ABAT: variants seen among roughly 807,000 people sequenced by gnomAD.
ABAT encodes 4-aminobutyrate aminotransferase.
In ABAT, 45 loss-of-function variants were observed where a neutral mutation model predicts 64.6. The ratio of observed to expected loss-of-function variants is 0.70; its 90% CI spans 0.55 to 0.89. The LOEUF is 0.89. Ranked by LOEUF, ABAT falls within the 40% of genes least tolerant of loss-of-function variation. The probability of loss-of-function intolerance (pLI) is 0.00; values close to 1 mark genes in which losing one functional copy is unlikely to be tolerated. For synonymous variants in ABAT, 297 were observed against 250.5 expected (o/e 1.19, Z -1.75); for missense variants, 633 against 658.4 (o/e 0.96, Z 0.42).
chr16:8,685,242 C>T (rs753334844), intron 1 of ABAT, among the ~76,000 whole-genome samples: 1 of 151,956 alleles, frequency 6.6e-6, no homozygotes, highest in African/African-American at 2.4e-5. Context: ...GCCAGGATCA[C>T]GCCATTGCAC....
chr16:8,676,308 C>T (rs902689170), intron 1 of ABAT, among the ~76,000 whole-genome samples: 1 of 152,112 alleles, frequency 6.6e-6, no homozygotes, highest in Non-Finnish European at 1.5e-5. Context: ...GGGGAAGAGA[C>T]TTGCTCAAGG....
chr16:8,772,403 C>G (rs563327986), intron 11 of ABAT, among the ~76,000 whole-genome samples: 1 of 152,084 alleles, frequency 6.6e-6, no homozygotes, highest in Non-Finnish European at 1.5e-5. Flanking sequence ...AAAACAGAGG[C>G]AGAACCACAG....
At chr16:8,720,404 T>C (rs2058334001) in intron 1 of ABAT, among the ~76,000 whole-genome samples, 1 of 152,238 alleles carries the variant, frequency 6.6e-6, no homozygotes, top group African/African-American at 2.4e-5. Flanking sequence ...CATTTGCCTG[T>C]TTCCAAGAAC....
chr16:8,757,046 T>C, intron 5 of ABAT: 1 of 401,374 alleles, frequency 2.5e-6, no homozygotes, highest in Non-Finnish European at 4.8e-6. Flanking sequence ...TGTCGAGATT[T>C]GACTCAGCCC....
chr16:8,716,596 C>T (rs577259165), intron 1 of ABAT, among the ~76,000 whole-genome samples: 2 of 152,184 alleles, frequency 1.3e-5, no homozygotes, highest in African/African-American at 4.8e-5. Flanking sequence ...CACTGACTTG[C>T]AATTCGTAAC....
intron 1 of ABAT, among the ~76,000 whole-genome samples, chr16:8,732,086 C>T (rs2058737448): frequency 6.6e-6 from 1 of 151,980 alleles, no homozygotes; most frequent in South Asian, 2.1e-4. Flanking sequence ...CACCTGACCT[C>T]AAGTGATCCA....
At chr16:8,738,395 T>G in intron 2 of ABAT, 1 of 455,874 alleles carries the variant, frequency 2.2e-6, no homozygotes. Context: ...CTCCAGACTT[T>G]TATTTGGCTT....
At chr16:8,717,534 C>T (rs1425832623) in intron 1 of ABAT, among the ~76,000 whole-genome samples, 1 of 152,116 alleles carries the variant, frequency 6.6e-6, no homozygotes, top group African/African-American at 2.4e-5. Flanking sequence ...CAAACCAGAC[C>T]AGCAGGTGAC....
At position 8,779,487 on chromosome 16, in the gene ABAT, C is replaced by T. The variant is rs372283568; in HGVS notation, c.1278C>T (p.Tyr426=). ...LTGLLDLQAR[Y]PQFISRVRGR... Reference sequence around the variant, plus strand: ...GTCTCCTCCCACTACAGGCCCGGTACCCCCAGTTCATCAGCAGGGTGAGAG... The same window carrying T: ...GTCTCCTCCCACTACAGGCCCGGTATCCCCAGTTCATCAGCAGGGTGAGAG... The change falls in exon 15 of 16, where the codon TAC becomes TAT. Residue 426 remains tyrosine, a synonymous_variant. Coordinates refer to ENST00000268251, the MANE Select transcript of ABAT (RefSeq NM_020686.6). 7.4e-5 allele frequency: 120 copies of T among 1,614,008 alleles called. 2 individuals are homozygous for T. The South Asian group carries it at 1.1e-3, about 15-fold the overall frequency.
chr16:8,743,264 G>A (rs1389577069), intron 2 of ABAT, among the ~76,000 whole-genome samples: 3 of 150,336 alleles, frequency 2.0e-5, no homozygotes, highest in Non-Finnish European at 3.0e-5. Flanking sequence ...TTTTAAATAT[G>A]TTTCAAAATC....
chr16:8,730,690 G>C (rs1354886830), intron 1 of ABAT, among the ~76,000 whole-genome samples: 1 of 152,160 alleles, frequency 6.6e-6, no homozygotes, highest in African/African-American at 2.4e-5. Context: ...GGGCTGGGTA[G>C]AGTTAGGCAG....
Position 8,737,984 on chromosome 16 carries a change from G to GAAA in ABAT, c.70+2175_70+2176insAAA, listed in dbSNP as rs1567295623. ...AGGAAGGAAGGAAGGAAGGAAGGAAGGAAGGAGGAAAGAAAGAAAGAAAGA... is the reference window on the plus strand; with the variant it reads ...AGGAAGGAAGGAAGGAAGGAAGGAAGAAAGAAGGAGGAAAGAAAGAAAGAAAGA... On this transcript the variant is annotated intron_variant, in intron 2 of 15. Coordinates refer to ENST00000268251, the MANE Select transcript of ABAT (RefSeq NM_020686.6). Among the ~76,000 whole-genome samples, 230 of 75,430 alleles carry GAAA rather than the reference G, an allele frequency of 3.0e-3. 28 individuals are homozygous for GAAA. Among genetic ancestry groups the GAAA allele is most frequent in the African/African-American group, 0.01 (157 of 15,172 alleles). The allele number at this position is 75,430 out of a possible 152,430, so 49.5% of individuals were successfully genotyped here.
In ABAT at chr16:8,757,789, C is replaced by T; in HGVS notation, c.349C>T (p.Gln117Ter). The change falls in exon 6 of 16, where the codon CAA (glutamine) becomes TAA (stop). Residue 117 changes from glutamine (Q) to a stop codon, truncating the protein, a stop_gained. Coordinates refer to ENST00000268251, the MANE Select transcript of ABAT (RefSeq NM_020686.6). LOFTEE classifies it high-confidence loss of function. ...YSHPALLKLI[Q>*]QPQNASMFVN... ...CCACCCCGCCCTGCTGAAACTCATC[C>T]AACAGCCTCAAAATGCGGTAGGTCT... 1.2e-6 allele frequency: 2 copies of T among 1,614,074 alleles called. No homozygotes were observed. Among genetic ancestry groups the T allele is most frequent in the Non-Finnish European group, 1.7e-6 (2 of 1,179,956 alleles).
intron 1 of ABAT, among the ~76,000 whole-genome samples, chr16:8,705,926 A>G (rs2057930263): frequency 6.6e-6 from 1 of 152,170 alleles, no homozygotes; most frequent in Admixed American, 6.6e-5. Context: ...ATTTGCACAC[A>G]GTGGAATCGC....
chr16:8,770,299 G>A (rs185745559), intron 11 of ABAT, among the ~76,000 whole-genome samples: 2 of 152,032 alleles, frequency 1.3e-5, no homozygotes, highest in African/African-American at 4.8e-5. Flanking sequence ...CACCACACCC[G>A]GCTAATTTTT....
chr16:8,748,219 C>A, intron 4 of ABAT, 82 bp downstream of exon 4: 2 of 1,320,158 alleles, frequency 1.5e-6, no homozygotes, highest in Non-Finnish European at 2.1e-6. Context: ...TCTGTTCTGG[C>A]TCTTTTTTAA....
intron 14 of ABAT, among the ~76,000 whole-genome samples, chr16:8,778,966 C>T (rs1025775646): frequency 3.3e-5 from 5 of 152,090 alleles, no homozygotes; most frequent in Admixed American, 6.6e-5. Context: ...AGTACAGCTC[C>T]CAGTCTCAAA....
intron 1 of ABAT, among the ~76,000 whole-genome samples, chr16:8,690,382 A>G (rs2057552689): frequency 6.6e-6 from 1 of 152,242 alleles, no homozygotes; most frequent in Non-Finnish European, 1.5e-5. Context: ...CTCTATGGAT[A>G]AGAACACAGA....
rs775179979 is a variant in ABAT, at chr16:8,768,792, C to T, written c.668-33C>T. 102 of 1,613,726 alleles carry T rather than the reference C, an allele frequency of 6.3e-5. 1 individual carries two copies. In the South Asian group the frequency reaches 1.0e-3, roughly 16 times the overall value. ...GACGGTACTGCCTGCTTCCCCAAGC[C>T]AAGCGTCTGCTTTTCTGTTTTGCTG... On this transcript the variant is annotated intron_variant, in intron 10 of 15. Transcript: ENST00000268251.
Sources: allele counts gnomAD v4.1 joint callset (sites outside exome capture counted in the v4.1 genomes callset), GRCh38; gene constraint gnomAD v4.1.1; transcripts MANE v1.5; gene names NCBI Gene and HGNC (gene_info 2026-07-23, HGNC 2026-07-21).